Variants in FGGY observed in about 807,000 individuals in gnomAD.
FGGY encodes the protein FGGY carbohydrate kinase domain-containing protein.
Under a neutral mutation model 71.3 loss-of-function variants are expected in FGGY, and 72 were observed. That is an observed-to-expected ratio of 1.01 (90% CI 0.84 to 1.23). The LOEUF (loss-of-function observed/expected upper bound fraction) is 1.23, where lower values mean the gene tolerates loss of function less well. Among genes scored for constraint, FGGY ranks in the 50% most tolerant of loss-of-function variants. The pLI is 0.00. For synonymous variants in FGGY, 251 were observed against 250.3 expected, an observed-to-expected ratio of 1.00 and a Z score of -0.02; for missense variants, 668 against 682.3, an observed-to-expected ratio of 0.98 and a Z score of 0.23.
At chr1:59,541,274 A>C (rs2095436227) in intron 7 of FGGY, among the ~76,000 whole-genome samples, 1 of 152,158 alleles carries the variant, frequency 6.6e-6, no homozygotes, top group Admixed American at 6.5e-5. Flanking sequence ...AGATGATGGA[A>C]GGGAGAAGAA....
chr1:59,757,233 C>T (rs1407818194), intron 14 of FGGY, among the ~76,000 whole-genome samples: 1 of 152,140 alleles, frequency 6.6e-6, no homozygotes, highest in East Asian at 1.9e-4. Context: ...AAAAACCTAA[C>T]CCTTCTGCTC....
At chr1:59,665,017 T>C (rs1334363480) in intron 12 of FGGY, among the ~76,000 whole-genome samples, 2 of 152,030 alleles carry the variant, frequency 1.3e-5, no homozygotes, top group African/African-American at 4.8e-5. Context: ...CCAGCCTGGG[T>C]TTTTTGAATT....
chr1:59,627,311 A>G (rs2096866111), intron 10 of FGGY, among the ~76,000 whole-genome samples: 1 of 151,696 alleles, frequency 6.6e-6, no homozygotes, highest in Non-Finnish European at 1.5e-5. Context: ...TGTATATGTT[A>G]GCTATAGTGA....
intron 7 of FGGY, among the ~76,000 whole-genome samples, chr1:59,528,083 C>G (rs971852770): frequency 5.9e-5 from 9 of 152,168 alleles, no homozygotes; most frequent in African/African-American, 2.2e-4. Context: ...ATGAACTTCA[C>G]CAGTGGTACC....
intron 6 of FGGY, among the ~76,000 whole-genome samples, chr1:59,511,037 GA>G (rs1433608516): frequency 6.6e-6 from 1 of 152,178 alleles, no homozygotes; most frequent in Non-Finnish European, 1.5e-5. Context: ...GCCCACATGT[GA>G]CTAGTGGCTG....
intron 11 of FGGY, among the ~76,000 whole-genome samples, chr1:59,654,515 A>G (rs1465065355): frequency 1.3e-5 from 2 of 152,172 alleles, no homozygotes; most frequent in South Asian, 4.1e-4. Flanking sequence ...ATCTTTTGAG[A>G]TCCCTTGGGA....
chr1:59,344,898 C>T (rs550613775), intron 3 of FGGY, among the ~76,000 whole-genome samples: 1 of 152,170 alleles, frequency 6.6e-6, no homozygotes, highest in African/African-American at 2.4e-5. Flanking sequence ...GGAGGGCTGA[C>T]TCTGTGTTTT....
At chr1:59,589,485 T>G (rs1263223592) in intron 8 of FGGY, among the ~76,000 whole-genome samples, 1 of 152,160 alleles carries the variant, frequency 6.6e-6, no homozygotes, top group Non-Finnish European at 1.5e-5. Context: ...AGAATATACA[T>G]TTTTTCCAGC....
chr1:59,443,826 A>G (rs1039938362), intron 5 of FGGY, among the ~76,000 whole-genome samples: 5 of 152,208 alleles, frequency 3.3e-5, no homozygotes, highest in African/African-American at 1.2e-4. Context: ...ATGATTGGGA[A>G]TAGGCCTTGG....
intron 6 of FGGY, among the ~76,000 whole-genome samples, chr1:59,485,577 T>TTTGTTTTTGCTG (rs146860477): frequency 6.6e-6 from 1 of 152,194 alleles, no homozygotes; most frequent in Non-Finnish European, 1.5e-5. Context: ...AATTTGTTTA[T>TTTGTTTTTGCTG]TTGTTTTTGC....
intron 7 of FGGY, 86 bp from the exon 8 acceptor site, chr1:59,554,038 A>G: frequency 9.3e-7 from 1 of 1,074,946 alleles, no homozygotes; most frequent in Non-Finnish European, 1.4e-6. Flanking sequence ...TATTAAAAAG[A>G]AGATTTGTTA....
In FGGY at chr1:59,582,330, C is replaced by T. The variant is rs538193790; in HGVS notation, c.904-25473C>T. On this transcript the variant is annotated intron_variant, in intron 8 of 15. Coordinates refer to ENST00000303721, the MANE Select transcript of FGGY (RefSeq NM_018291.5). ...AGTCCCAGAAGGGAAAAGGTCTTGGCCATTATTTCTTCTGTCAGTTGGAAT... is the reference window on the plus strand; with the variant it reads ...AGTCCCAGAAGGGAAAAGGTCTTGGTCATTATTTCTTCTGTCAGTTGGAAT... Among the ~76,000 whole-genome samples, 8 of 150,154 alleles carry T rather than the reference C, an allele frequency of 5.3e-5. No homozygotes were observed. In the South Asian group the frequency reaches 1.7e-3, roughly 32 times the overall value.
intron 4 of FGGY, among the ~76,000 whole-genome samples, chr1:59,367,751 C>G (rs1244146144): frequency 2.0e-5 from 3 of 152,168 alleles, no homozygotes; most frequent in Non-Finnish European, 4.4e-5. Flanking sequence ...GTGAAAGCTA[C>G]TTCTCTCTGT....
chr1:59,430,408 G>A (rs1469638092), intron 5 of FGGY, among the ~76,000 whole-genome samples: 1 of 152,042 alleles, frequency 6.6e-6, no homozygotes, highest in African/African-American at 2.4e-5. Context: ...GTAAAATCCC[G>A]GTGCAGGGAG....
At position 59,316,879 on chromosome 1, in the gene FGGY, C is replaced by G. The variant is rs1008947943; in HGVS notation, c.-14-4657C>G. Among the ~76,000 whole-genome samples, 4 of 152,242 alleles carry G rather than the reference C, an allele frequency of 2.6e-5. No homozygotes were observed. The South Asian group carries it at 6.2e-4, about 24-fold the overall frequency. ...CGTGCCCTCATTTCTTTCCGCCTGA[C>G]CACCCTCCCCATATCCCTAACAGCT... On this transcript the variant is annotated intron_variant, in intron 1 of 15. Transcript: ENST00000303721.
At chr1:59,371,557 C>G (rs2057640024) in intron 4 of FGGY, among the ~76,000 whole-genome samples, 1 of 152,146 alleles carries the variant, frequency 6.6e-6, no homozygotes, top group African/African-American at 2.4e-5. Context: ...ACAAGCAGAC[C>G]TAATAGACAT....
intron 7 of FGGY, among the ~76,000 whole-genome samples, chr1:59,526,802 G>A (rs1276145270): frequency 1.3e-5 from 2 of 152,190 alleles, no homozygotes; most frequent in Non-Finnish European, 2.9e-5. Flanking sequence ...CACTCTGACT[G>A]GAATCAGACT....
intron 12 of FGGY, among the ~76,000 whole-genome samples, chr1:59,663,075 A>G (rs751707304): frequency 2.0e-5 from 3 of 152,232 alleles, no homozygotes; most frequent in Non-Finnish European, 2.9e-5. Flanking sequence ...GCACCATCAC[A>G]TAGTGGTAAT....
chr1:59,582,586 C>G (rs1333317416), intron 8 of FGGY, among the ~76,000 whole-genome samples: 1 of 149,776 alleles, frequency 6.7e-6, no homozygotes, highest in Non-Finnish European at 1.5e-5. Context: ...CTAAGTCCTA[C>G]TTACCCTTCA....
Sources: gnomAD v4.1 joint callset for allele counts (sites outside exome capture counted in the v4.1 genomes callset) on GRCh38, gnomAD v4.1.1 for gene constraint, MANE v1.5 for transcripts, NCBI Gene and HGNC (gene_info 2026-07-23, HGNC 2026-07-21) for gene names.